SLC25A12: variants seen among roughly 807,000 people sequenced by gnomAD.
SLC25A12 encodes the protein solute carrier family 25 member 12, also known as electrogenic aspartate/glutamate antiporter SLC25A12, mitochondrial.
A neutral mutation model predicts 83.3 loss-of-function variants in SLC25A12; 32 were observed. The observed-to-expected ratio is 0.38, with a 90% CI of 0.29 to 0.52. The LOEUF (loss-of-function observed/expected upper bound fraction) is 0.52. Among genes scored for constraint, SLC25A12 ranks in the 20% least tolerant of loss-of-function variants. The pLI is 0.84. For missense variants in SLC25A12, 611 were observed against 835.6 expected, an observed-to-expected ratio of 0.73 and a Z score of 3.31; for synonymous variants, 267 against 291.1, an observed-to-expected ratio of 0.92 and a Z score of 0.84.
chr2:171,837,275 G>A lies in SLC25A12; in HGVS notation c.466-8C>T. On this transcript the variant is annotated splice_polypyrimidine_tract_variant and splice_region_variant and intron_variant, in intron 5 of 17. Coordinates refer to ENST00000422440, the MANE Select transcript of SLC25A12 (RefSeq NM_003705.5). ...ATGTTCCAATTGCAGCTCCTGTGAG[G>A]AAATTAGAAATAGGGCATTAAGCTG... The A allele has an allele frequency of 6.2e-7, 1 of 1,613,902 alleles. No homozygotes were observed. The highest frequency in any genetic ancestry group is 8.5e-7 in the Non-Finnish European group (1 of 1,179,886).
chr2:171,794,873 T>C (rs912818685), intron 13 of SLC25A12, among the ~76,000 whole-genome samples: 3 of 152,152 alleles, frequency 2.0e-5, no homozygotes, highest in Non-Finnish European at 4.4e-5. Context: ...TCCACAGGTA[T>C]AGAACACCTA....
intron 13 of SLC25A12, among the ~76,000 whole-genome samples, chr2:171,805,163 C>T (rs1683798873): frequency 6.6e-6 from 1 of 150,844 alleles, no homozygotes. Context: ...AGCTGGAGTG[C>T]AGTGGCACGA....
In SLC25A12 at chr2:171,787,585, A is replaced by C; in HGVS notation, c.1821T>G (p.Ile607Met). Residue 607 changes from isoleucine to methionine, a missense_variant, in exon 17 of 18, where the codon ATT becomes ATG. Ile to Met is a conservative substitution (Grantham distance 10, BLOSUM62 1). Transcript: ENST00000422440. ...AGCTGACTTACAGGCCTCCAAAATC[A>C]ATGTAAAACCACCGCTGGAGAAGTT... ...TYELLQRWFYIDFGGLKPAGS... is the reference protein window; with the variant it reads ...TYELLQRWFYMDFGGLKPAGS... The C allele has an allele frequency of 1.9e-6, 3 of 1,613,802 alleles. No homozygotes were observed. Among genetic ancestry groups the C allele is most frequent in the South Asian group, 2.2e-5 (2 of 91,080 alleles).
intron 15 of SLC25A12, among the ~76,000 whole-genome samples, chr2:171,790,858 C>T (rs1460493380): frequency 2.0e-5 from 3 of 151,982 alleles, no homozygotes; most frequent in East Asian, 1.9e-4. Flanking sequence ...ACTACAGGCA[C>T]GCACCACTAC....
At chr2:171,827,679 A>G (rs1684334588) in intron 8 of SLC25A12, among the ~76,000 whole-genome samples, 3 of 152,280 alleles carry the variant, frequency 2.0e-5, no homozygotes, top group South Asian at 2.1e-4. Context: ...TTTTGCTTCA[A>G]TACATCTATG....
intron 4 of SLC25A12, chr2:171,848,082 T>C (rs970481452): frequency 6.9e-6 from 3 of 436,348 alleles, no homozygotes; most frequent in Non-Finnish European, 1.4e-5. Context: ...ACCCATACTG[T>C]GTCTCCCCAT....
intron 4 of SLC25A12, among the ~76,000 whole-genome samples, chr2:171,844,910 C>T (rs999165295): frequency 3.3e-5 from 5 of 152,008 alleles, no homozygotes; most frequent in African/African-American, 9.7e-5. Flanking sequence ...CAGTATAATG[C>T]AATATTTGTC....
chr2:171,830,723 C>T (rs1684414972), intron 8 of SLC25A12, among the ~76,000 whole-genome samples: 1 of 152,136 alleles, frequency 6.6e-6, no homozygotes, highest in Admixed American at 6.5e-5. Context: ...CTATGTTGGC[C>T]ACACTGGCCT....
chr2:171,860,822 C>T (rs958003486), intron 3 of SLC25A12, among the ~76,000 whole-genome samples: 2 of 152,086 alleles, frequency 1.3e-5, no homozygotes, highest in Non-Finnish European at 2.9e-5. Context: ...TGGCTCACGC[C>T]TGTAATCCCA....
At chr2:171,826,961 A>C (rs1313665235) in intron 8 of SLC25A12, 79 bp from the exon 9 acceptor site, 21 of 807,466 alleles carry the variant, frequency 2.6e-5, no homozygotes, top group Non-Finnish European at 3.2e-5. Flanking sequence ...CAAAAAAAAA[A>C]ACAAAAAACA....
intron 4 of SLC25A12, among the ~76,000 whole-genome samples, chr2:171,851,606 C>T (rs900893865): frequency 1.3e-4 from 19 of 151,968 alleles, no homozygotes; most frequent in African/African-American, 4.6e-4. Flanking sequence ...ACAATCTCAA[C>T]TCATTGCAAC....
chr2:171,829,437 G>C (rs556750777), intron 8 of SLC25A12, among the ~76,000 whole-genome samples: 49 of 152,074 alleles, frequency 3.2e-4, no homozygotes, highest in Middle Eastern at 6.8e-3. Context: ...TGTCTCTCAG[G>C]GGCAATGGCA....
chr2:171,842,552 C>T (rs1221374520), intron 5 of SLC25A12, among the ~76,000 whole-genome samples: 1 of 152,054 alleles, frequency 6.6e-6, no homozygotes, highest in Non-Finnish European at 1.5e-5. Context: ...TGAGATCACG[C>T]CATTGCACAC....
intron 3 of SLC25A12, among the ~76,000 whole-genome samples, chr2:171,858,771 T>C (rs1000206002): frequency 2.6e-5 from 4 of 152,178 alleles, no homozygotes; most frequent in Admixed American, 6.5e-5. Context: ...AAGCAGTCTT[T>C]CTCCTTCAGA....
At chr2:171,875,991 T>C (rs1377466005) in intron 2 of SLC25A12, among the ~76,000 whole-genome samples, 2 of 150,958 alleles carry the variant, frequency 1.3e-5, no homozygotes, top group Admixed American at 1.3e-4. Flanking sequence ...ATACTGTATA[T>C]ATGGAATCGC....
intron 2 of SLC25A12, among the ~76,000 whole-genome samples, chr2:171,879,318 G>T (rs1328605097): frequency 6.6e-6 from 1 of 152,148 alleles, no homozygotes; most frequent in East Asian, 1.9e-4. Context: ...ATTATTCAGT[G>T]CTCTGTCTTC....
In SLC25A12 at chr2:171,870,769, A is replaced by G. The variant is rs541748118; in HGVS notation, c.67-1946T>C. On this transcript the variant is annotated intron_variant, in intron 2 of 17. Transcript: ENST00000422440. The stretch of plus-strand genomic sequence containing the variant: ...AAGGGAAATACCAAATGAAATAGCT[A>G]AAAGAGTTACAAGTGGTTGCTTCTA... Among the ~76,000 whole-genome samples the G allele has an allele frequency of 7.2e-5, 11 of 152,372 alleles. No homozygotes were observed. In the South Asian group the frequency reaches 2.3e-3, roughly 32 times the overall value.
chr2:171,862,098 TA>T (rs767958956), intron 3 of SLC25A12, among the ~76,000 whole-genome samples: 142 of 152,282 alleles, frequency 9.3e-4, no homozygotes, highest in Non-Finnish European at 1.7e-3. Context: ...GATTTCTGCA[TA>T]AAAGGTTCCT....
chr2:171,868,978 T>C (rs564524599), intron 2 of SLC25A12, among the ~76,000 whole-genome samples, 155 bp from the exon 3 acceptor site: 1 of 152,326 alleles, frequency 6.6e-6, no homozygotes, highest in African/African-American at 2.4e-5. Context: ...AAAAATCAAA[T>C]ATTCAGAGCC....
Sources: gnomAD v4.1 joint callset for allele counts (sites outside exome capture counted in the v4.1 genomes callset) on GRCh38, gnomAD v4.1.1 for gene constraint, MANE v1.5 for transcripts, NCBI Gene and HGNC (gene_info 2026-07-23, HGNC 2026-07-21) for gene names.